The following C1QTNF3 variants were observed in gnomAD, a reference collection of about 807,000 sequenced individuals.
C1QTNF3 encodes the protein complement C1q tumor necrosis factor-related protein 3.
In C1QTNF3, 26 loss-of-function variants were observed where a neutral mutation model predicts 32.6. That is an observed-to-expected ratio of 0.80 (90% CI 0.58 to 1.11). The LOEUF (loss-of-function observed/expected upper bound fraction) is 1.11. Ranked by LOEUF, C1QTNF3 falls within the 50% of genes least tolerant of loss-of-function variation. C1QTNF3 has a pLI of 0.00. For synonymous variants in C1QTNF3, 155 were observed against 146.0 expected, an observed-to-expected ratio of 1.06 and a Z score of -0.44; for missense variants, 362 against 398.2, an observed-to-expected ratio of 0.91 and a Z score of 0.77.
At chr5:34,145,669 G>C in the C1QTNF3 span, among the ~76,000 whole-genome samples, 3 of 121,442 alleles carry the variant, frequency 2.5e-5, no homozygotes, top group Admixed American at 9.9e-5. Context: ...CAATCTGGCA[G>C]AGACACAGCA....
At chr5:34,089,599 G>A in the C1QTNF3 span, among the ~76,000 whole-genome samples, 4 of 152,154 alleles carry the variant, frequency 2.6e-5, no homozygotes, top group East Asian at 3.9e-4. Flanking sequence ...CTCCAAAACC[G>A]TGAGAAAGAA....
the C1QTNF3 span, among the ~76,000 whole-genome samples, chr5:34,080,933 C>T: frequency 0.012 from 1,886 of 151,720 alleles, 25 homozygotes; most frequent in South Asian, 0.029. Context: ...TTGTTGACAC[C>T]CAAACTGGAG....
the C1QTNF3 span, among the ~76,000 whole-genome samples, chr5:34,224,426 A>C: frequency 2.0e-5 from 3 of 151,722 alleles, no homozygotes; most frequent in African/African-American, 7.3e-5. Context: ...AGTAACCAAA[A>C]CAGCATGGTA....
chr5:34,042,779 T>A, intron 1 of C1QTNF3, 44 bp downstream of exon 1: 1 of 1,450,884 alleles, frequency 6.9e-7, no homozygotes, highest in Non-Finnish European at 9.4e-7. Context: ...ACAACAACAC[T>A]CATTAAGCTT....
chr5:34,166,088 A>G, the C1QTNF3 span: 1 of 151,076 alleles, frequency 6.6e-6, no homozygotes, highest in African/African-American at 2.4e-5. Flanking sequence ...GCAGGCTTAG[A>G]AAGTGTTTTA....
the C1QTNF3 span, among the ~76,000 whole-genome samples, chr5:34,229,633 C>A: frequency 2.6e-5 from 4 of 152,190 alleles, no homozygotes; most frequent in African/African-American, 9.6e-5. Context: ...AGATTCTTTA[C>A]ATGTAGAAGA....
the C1QTNF3 span, among the ~76,000 whole-genome samples, chr5:34,080,113 CTTTT>C: frequency 6.0e-5 from 9 of 151,236 alleles, 1 homozygote; most frequent in African/African-American, 2.2e-4. Flanking sequence ...TAAAGCAGTT[CTTTT>C]TTTTAAAGTG....
At chr5:34,127,987 AG>A in the C1QTNF3 span, among the ~76,000 whole-genome samples, 1 of 152,090 alleles carries the variant, frequency 6.6e-6, no homozygotes, top group South Asian at 2.1e-4. Context: ...AAAAGTCCTC[AG>A]GGCATTTCAG....
chr5:34,121,893 C>A, the C1QTNF3 span, among the ~76,000 whole-genome samples: 1 of 152,066 alleles, frequency 6.6e-6, no homozygotes, highest in Admixed American at 6.6e-5. Context: ...AGCTGTTCCG[C>A]CATTTGAATT....
the C1QTNF3 span, among the ~76,000 whole-genome samples, chr5:34,084,529 T>C: frequency 1.3e-5 from 2 of 151,528 alleles, no homozygotes; most frequent in Admixed American, 1.3e-4. Flanking sequence ...CCAGCAGCCC[T>C]ACATAAGGGC....
the C1QTNF3 span, among the ~76,000 whole-genome samples, chr5:34,210,778 G>C: frequency 6.6e-6 from 1 of 151,932 alleles, no homozygotes; most frequent in Non-Finnish European, 1.5e-5. Flanking sequence ...CTATATAGCT[G>C]TCCCTAAAAC....
At chr5:34,084,704 C>G in the C1QTNF3 span, among the ~76,000 whole-genome samples, 3 of 148,608 alleles carry the variant, frequency 2.0e-5, no homozygotes, top group Non-Finnish European at 4.4e-5. Context: ...GCTTAAGTTC[C>G]TAGTAGATTC....
the C1QTNF3 span, among the ~76,000 whole-genome samples, chr5:34,171,823 A>G: frequency 6.6e-6 from 1 of 152,216 alleles, no homozygotes; most frequent in Non-Finnish European, 1.5e-5. Context: ...CATGATTGAT[A>G]ACATTTGTAT....
the C1QTNF3 span, among the ~76,000 whole-genome samples, chr5:34,097,365 C>CA: frequency 6.6e-6 from 1 of 151,592 alleles, no homozygotes; most frequent in Non-Finnish European, 1.5e-5. Context: ...TGCATTTTTT[C>CA]AAGTTGACTA....
At chr5:34,147,845 C>G in the C1QTNF3 span, among the ~76,000 whole-genome samples, 1 of 152,122 alleles carries the variant, frequency 6.6e-6, no homozygotes. Flanking sequence ...AAAACAAGGG[C>G]GGGAGGAGCC....
At chr5:34,208,599 G>A in the C1QTNF3 span, among the ~76,000 whole-genome samples, 1 of 151,738 alleles carries the variant, frequency 6.6e-6, no homozygotes, top group African/African-American at 2.4e-5. Flanking sequence ...CACTTGCTTA[G>A]AATGTATTAA....
At chr5:34,142,431 C>CA in the C1QTNF3 span, among the ~76,000 whole-genome samples, 81,210 of 133,306 alleles carry the variant, frequency 0.61, 24,058 homozygotes, top group Middle Eastern at 0.66. Flanking sequence ...GACTCCATCT[C>CA]AAAAAAAAAA....
the C1QTNF3 span, among the ~76,000 whole-genome samples, chr5:34,130,130 TATACACAC>T: frequency 1.3e-5 from 2 of 148,534 alleles, no homozygotes; most frequent in African/African-American, 5.2e-5. Context: ...ATTTTATATA[TATACACAC>T]ACACACACAC....
chr5:34,077,645 C>G, the C1QTNF3 span, among the ~76,000 whole-genome samples: 1 of 151,524 alleles, frequency 6.6e-6, no homozygotes, highest in African/African-American at 2.4e-5. Flanking sequence ...AATGTAATGA[C>G]TATTATGACT....
Sources: allele counts gnomAD v4.1 joint callset (sites outside exome capture counted in the v4.1 genomes callset), GRCh38; gene constraint gnomAD v4.1.1; transcripts MANE v1.5; gene names NCBI Gene and HGNC (gene_info 2026-07-23, HGNC 2026-07-21).